Variants in SH3GL2 observed in about 807,000 individuals in gnomAD.
SH3GL2 encodes the protein endophilin-A1.
A neutral mutation model predicts 46.0 loss-of-function variants in SH3GL2; 24 were observed. The ratio of observed to expected loss-of-function variants is 0.52; its 90% CI spans 0.38 to 0.73. The LOEUF is 0.73. Ranked by LOEUF, SH3GL2 falls within the 30% of genes least tolerant of loss-of-function variation. The pLI, the probability that SH3GL2 is intolerant of heterozygous loss-of-function variation, is 0.00. For synonymous variants in SH3GL2, 196 were observed against 147.1 expected, an observed-to-expected ratio of 1.33 and a Z score of -2.40; for missense variants, 413 against 424.2, an observed-to-expected ratio of 0.97 and a Z score of 0.23.
chr9:17,640,391 G>T (rs1819649362), intron 1 of SH3GL2, among the ~76,000 whole-genome samples: 1 of 151,808 alleles, frequency 6.6e-6, no homozygotes. Context: ...CCAATTTGCA[G>T]ACCTTTTATT....
At chr9:17,722,919 C>T (rs1821930692) in intron 1 of SH3GL2, among the ~76,000 whole-genome samples, 2 of 152,110 alleles carry the variant, frequency 1.3e-5, no homozygotes, top group South Asian at 4.1e-4. Flanking sequence ...CTCATTATCT[C>T]AGCTTCACTG....
At chr9:17,682,506 G>C (rs1820798485) in intron 1 of SH3GL2, among the ~76,000 whole-genome samples, 2 of 151,998 alleles carry the variant, frequency 1.3e-5, no homozygotes, top group South Asian at 2.1e-4. Flanking sequence ...GTTGAACATA[G>C]AGAACACCTG....
chr9:17,645,870 G>A (rs1819803009), intron 1 of SH3GL2, among the ~76,000 whole-genome samples: 1 of 152,032 alleles, frequency 6.6e-6, no homozygotes, highest in African/African-American at 2.4e-5. Context: ...TCTTCTTGAG[G>A]AGTATCTTTG....
intron 1 of SH3GL2, among the ~76,000 whole-genome samples, chr9:17,615,866 T>C (rs1337594447): frequency 6.6e-6 from 1 of 152,188 alleles, no homozygotes; most frequent in Non-Finnish European, 1.5e-5. Context: ...TTTAATCAGC[T>C]GATTAATTTG....
chr9:17,592,245 C>T (rs1263368971), intron 1 of SH3GL2, among the ~76,000 whole-genome samples: 1 of 152,164 alleles, frequency 6.6e-6, no homozygotes, highest in South Asian at 2.1e-4. Context: ...GCTTTTTGCT[C>T]TTCCCAGGCC....
chr9:17,615,732 T>TAA (rs765372067), intron 1 of SH3GL2, among the ~76,000 whole-genome samples: 2 of 144,594 alleles, frequency 1.4e-5, no homozygotes, highest in African/African-American at 2.5e-5. Flanking sequence ...GGACGAAAGT[T>TAA]AAAAAAAAAA....
intron 3 of SH3GL2, among the ~76,000 whole-genome samples, chr9:17,777,933 T>G (rs1309892808): frequency 6.6e-6 from 1 of 152,030 alleles, no homozygotes; most frequent in East Asian, 1.9e-4. Flanking sequence ...CTCTCATCCC[T>G]ATCTTTAGTT....
chr9:17,617,164 A>C (rs74967580), intron 1 of SH3GL2, among the ~76,000 whole-genome samples: 3,478 of 152,264 alleles, frequency 0.023, 136 homozygotes, highest in African/African-American at 0.079. Flanking sequence ...ATAGTTGGGT[A>C]GTATTCTGTT....
At chr9:17,599,985 TA>T (rs1818640138) in intron 1 of SH3GL2, among the ~76,000 whole-genome samples, 1 of 152,102 alleles carries the variant, frequency 6.6e-6, no homozygotes, top group Non-Finnish European at 1.5e-5. Flanking sequence ...TTATGAAATA[TA>T]AAATTAGGAC....
intron 1 of SH3GL2, among the ~76,000 whole-genome samples, chr9:17,623,724 A>T (rs1205895012): frequency 6.7e-6 from 1 of 149,836 alleles, no homozygotes; most frequent in Non-Finnish European, 1.5e-5. Flanking sequence ...ACACACACAC[A>T]CACACACACA....
At chr9:17,631,597 A>G (rs1819427549) in intron 1 of SH3GL2, among the ~76,000 whole-genome samples, 1 of 152,212 alleles carries the variant, frequency 6.6e-6, no homozygotes, top group African/African-American at 2.4e-5. Context: ...GCTGGGCTGT[A>G]TGACAATGTT....
chr9:17,606,376 C>G (rs930487903), intron 1 of SH3GL2, among the ~76,000 whole-genome samples: 14 of 152,160 alleles, frequency 9.2e-5, no homozygotes, highest in African/African-American at 3.4e-4. Context: ...CAGGCGTAAG[C>G]CACCATGCCC....
intron 1 of SH3GL2, among the ~76,000 whole-genome samples, chr9:17,657,426 C>T (rs1384341416): frequency 1.3e-5 from 2 of 152,116 alleles, no homozygotes; most frequent in Non-Finnish European, 2.9e-5. Flanking sequence ...CCTCTCTGGT[C>T]TTGGCAGTAG....
chr9:17,646,169 A>G (rs1038740722), intron 1 of SH3GL2, among the ~76,000 whole-genome samples: 6 of 151,304 alleles, frequency 4.0e-5, no homozygotes, highest in African/African-American at 1.2e-4. Context: ...CGATTTGGCT[A>G]TTGATGCTTG....
intron 1 of SH3GL2, among the ~76,000 whole-genome samples, chr9:17,637,595 C>A (rs1819569689): frequency 6.6e-6 from 1 of 152,228 alleles, no homozygotes. Flanking sequence ...TATCTTTGGA[C>A]ACACAAGTGT....
chr9:17,582,384 G>T, intron 1 of SH3GL2, among the ~76,000 whole-genome samples: 1 of 152,102 alleles, frequency 6.6e-6, no homozygotes, highest in East Asian at 1.9e-4. Context: ...CTGTAATAAA[G>T]GGCAGATGAT....
At chr9:17,619,740 T>C (rs149187781) in intron 1 of SH3GL2, among the ~76,000 whole-genome samples, 439 of 152,342 alleles carry the variant, frequency 2.9e-3, no homozygotes, top group African/African-American at 9.5e-3. Flanking sequence ...CTTTTGTTGT[T>C]GGGCATTTAG....
intron 1 of SH3GL2, among the ~76,000 whole-genome samples, chr9:17,651,496 GGT>G (rs1304550419): frequency 2.0e-5 from 3 of 151,944 alleles, no homozygotes; most frequent in Non-Finnish European, 4.4e-5. Context: ...CCTTTTTTCT[GGT>G]TATTGCAGAG....
At chr9:17,707,721 C>G (rs900959351) in intron 1 of SH3GL2, among the ~76,000 whole-genome samples, 1 of 151,996 alleles carries the variant, frequency 6.6e-6, no homozygotes, top group African/African-American at 2.4e-5. Flanking sequence ...GATATTGATA[C>G]CAGACACTTT....
Sources: gnomAD v4.1 joint callset for allele counts (sites outside exome capture counted in the v4.1 genomes callset) on GRCh38, gnomAD v4.1.1 for gene constraint, MANE v1.5 for transcripts, NCBI Gene and HGNC (gene_info 2026-07-23, HGNC 2026-07-21) for gene names.